The following GAPVD1 variants were observed in gnomAD, a reference collection of about 807,000 sequenced individuals.
GAPVD1 encodes GTPase-activating protein and VPS9 domain-containing protein 1.
Under a neutral mutation model 155.5 loss-of-function variants are expected in GAPVD1, and 35 were observed. That is an observed-to-expected ratio of 0.23 (90% CI 0.17 to 0.30). The LOEUF (loss-of-function observed/expected upper bound fraction) is 0.30. GAPVD1 is among the 10% of genes least tolerant of loss of function. The pLI is 1.00. For missense variants in GAPVD1, 1,429 were observed against 1,775.7 expected, an observed-to-expected ratio of 0.80 and a Z score of 3.51; for synonymous variants, 636 against 619.7, an observed-to-expected ratio of 1.03 and a Z score of -0.39.
chr9:125,276,240 A>G (rs991156050), intron 2 of GAPVD1, among the ~76,000 whole-genome samples: 13 of 152,144 alleles, frequency 8.5e-5, no homozygotes, highest in Admixed American at 2.6e-4. Flanking sequence ...TTTTTCTACA[A>G]TGTTTCACTC....
At chr9:125,322,922 G>A (rs1458020567) in intron 10 of GAPVD1, among the ~76,000 whole-genome samples, 2 of 151,686 alleles carry the variant, frequency 1.3e-5, no homozygotes, top group Non-Finnish European at 2.9e-5. Flanking sequence ...GTGTGGCAGC[G>A]TGTGCCTGTA....
At chr9:125,314,136 G>A (rs966377207) in intron 9 of GAPVD1, among the ~76,000 whole-genome samples, 2 of 152,130 alleles carry the variant, frequency 1.3e-5, no homozygotes, top group African/African-American at 2.4e-5. Flanking sequence ...TGTAGGAAAT[G>A]TTTTGTGTTC....
At chr9:125,276,081 A>G (rs1835734296) in intron 2 of GAPVD1, among the ~76,000 whole-genome samples, 1 of 152,234 alleles carries the variant, frequency 6.6e-6, no homozygotes, top group Non-Finnish European at 1.5e-5. Flanking sequence ...GACATCTTCC[A>G]GAATTCTGTT....
chr9:125,298,183 G>C (rs554572950), intron 3 of GAPVD1, among the ~76,000 whole-genome samples: 3 of 152,266 alleles, frequency 2.0e-5, no homozygotes. Flanking sequence ...ATGGAGGGGG[G>C]AATAAGTAGT....
chr9:125,361,111 C>T (rs756307224), intron 27 of GAPVD1, among the ~76,000 whole-genome samples: 6 of 152,074 alleles, frequency 3.9e-5, no homozygotes, highest in African/African-American at 1.4e-4. Flanking sequence ...TCAAGTGATT[C>T]GCCCGCCTCA....
intron 9 of GAPVD1, among the ~76,000 whole-genome samples, chr9:125,318,182 A>C (rs1271545747): frequency 6.6e-6 from 1 of 152,242 alleles, no homozygotes; most frequent in East Asian, 1.9e-4. Flanking sequence ...ACAGGGTTTC[A>C]CTTTATGTTG....
Position 125,365,483 on chromosome 9 carries a change from G to A in GAPVD1, c.*2737G>A, listed in dbSNP as rs1851423431. The A allele has an allele frequency of 6.6e-6, 1 of 152,106 alleles. No individual in the cohort carries two copies. Among genetic ancestry groups the A allele is most frequent in the South Asian group, 2.1e-4 (1 of 4,824 alleles). 9.4% of individuals were successfully genotyped at this position (152,106 alleles called of 1,614,324 possible). On this transcript the variant is annotated 3_prime_UTR_variant, in exon 28 of 28. Coordinates refer to ENST00000297933, the MANE Select transcript of GAPVD1 (RefSeq NM_001282680.3). ...AGTTACTACATAGAATTTATAAAGTGGATGTTAAATGGAGAGAGAGTTGGC... is the reference window on the plus strand; with the variant it reads ...AGTTACTACATAGAATTTATAAAGTAGATGTTAAATGGAGAGAGAGTTGGC...
In GAPVD1 at chr9:125,342,247, A is replaced by G; in HGVS notation, c.2994A>G (p.Lys998=). The change falls in exon 19 of 28, where the codon AAA becomes AAG. Residue 998 remains lysine (K), a synonymous_variant. Transcript: ENST00000297933. ...KAPIPFRKKE[K]QEKDKDDLGP... ...CTATACCATTTAGAAAGAAAGAAAA[A>G]CAAGAAAAAGACAAAGATGATCTGG... 2 of 1,596,312 alleles carry G rather than the reference A, an allele frequency of 1.3e-6. No homozygotes were observed. The highest frequency in any genetic ancestry group is 1.7e-6 in the Non-Finnish European group (2 of 1,163,814).
chr9:125,357,545 C>T (rs1254175017), intron 25 of GAPVD1, among the ~76,000 whole-genome samples: 1 of 152,016 alleles, frequency 6.6e-6, no homozygotes, highest in Non-Finnish European at 1.5e-5. Flanking sequence ...CGCCACTGCA[C>T]TCCAGCCTAG....
intron 2 of GAPVD1, among the ~76,000 whole-genome samples, chr9:125,290,539 A>C (rs1470381908): frequency 1.2e-4 from 19 of 152,190 alleles, no homozygotes; most frequent in Non-Finnish European, 7.3e-5. Context: ...TTTCTCAATG[A>C]AGACAAAAGC....
Position 125,278,533 on chromosome 9 carries a change from T to G in GAPVD1, c.-150+9549T>G, listed in dbSNP as rs138157132. 1.9e-3 allele frequency among the ~76,000 whole-genome samples: 261 copies of G among 140,874 alleles called. 2 individuals carry two copies. The highest frequency in any genetic ancestry group is 6.9e-3 in the African/African-American group (259 of 37,384). 92.4% of individuals were successfully genotyped at this position (140,874 alleles called of 152,430 possible). A position where few individuals can be genotyped will look rare whatever the true frequency, so the allele number is the denominator to read the frequency against. ...GAGACTCCATCTCAAAACAAATAAA[T>G]AAGTAAAATGTTCACATTAGGCCAG... On this transcript the variant is annotated intron_variant, in intron 2 of 27. Coordinates refer to ENST00000297933, the MANE Select transcript of GAPVD1 (RefSeq NM_001282680.3).
chr9:125,324,529 C>T (rs916897147), intron 11 of GAPVD1, among the ~76,000 whole-genome samples: 8 of 151,900 alleles, frequency 5.3e-5, no homozygotes, highest in Admixed American at 2.6e-4. Context: ...GCGGAGGTTG[C>T]GGTGAGCCAA....
chr9:125,292,202 A>G (rs1034868986), intron 2 of GAPVD1, among the ~76,000 whole-genome samples: 2 of 152,242 alleles, frequency 1.3e-5, no homozygotes, highest in South Asian at 2.1e-4. Flanking sequence ...CCGCCACTGC[A>G]CTCCGCTTGG....
chr9:125,285,453 G>GCT (rs759281879), intron 2 of GAPVD1, among the ~76,000 whole-genome samples: 1 of 94,686 alleles, frequency 1.1e-5, no homozygotes, highest in African/African-American at 4.2e-5. Flanking sequence ...TTTTTTCTTT[G>GCT]TTTTTTTTTT....
intron 21 of GAPVD1, among the ~76,000 whole-genome samples, 162 bp downstream of exon 21, chr9:125,349,681 T>G (rs980510618): frequency 6.6e-6 from 1 of 152,144 alleles, no homozygotes; most frequent in Non-Finnish European, 1.5e-5. Flanking sequence ...GTAGATGTTA[T>G]GTATCAAAGG....
intron 2 of GAPVD1, among the ~76,000 whole-genome samples, chr9:125,269,947 A>AAGGTCTTGAACTCCTG (rs1834622623): frequency 6.6e-6 from 1 of 151,080 alleles, no homozygotes; most frequent in Admixed American, 6.6e-5. Flanking sequence ...TTGAACTCCT[A>AAGGTCTTGAACTCCTG]CTCTCAAGTG....
intron 2 of GAPVD1, among the ~76,000 whole-genome samples, chr9:125,291,598 CTG>C (rs1838624493): frequency 1.3e-5 from 2 of 152,004 alleles, no homozygotes; most frequent in Admixed American, 6.6e-5. Flanking sequence ...TAAGAAAAGA[CTG>C]TAGTATGTGC....
chr9:125,358,008 A>C (rs915932720), intron 25 of GAPVD1, among the ~76,000 whole-genome samples: 10 of 151,326 alleles, frequency 6.6e-5, no homozygotes, highest in African/African-American at 2.5e-4. Flanking sequence ...CACACACACA[A>C]AACAATTAAT....
At chr9:125,308,041 G>A in intron 8 of GAPVD1, 161 bp downstream of exon 8, 1 of 628,770 alleles carries the variant, frequency 1.6e-6, no homozygotes, top group Non-Finnish European at 2.8e-6. Flanking sequence ...TATCAGATTA[G>A]TTAAGGTTTA....
Sources: gnomAD v4.1 joint callset for allele counts (sites outside exome capture counted in the v4.1 genomes callset) on GRCh38, gnomAD v4.1.1 for gene constraint, MANE v1.5 for transcripts, NCBI Gene and HGNC (gene_info 2026-07-23, HGNC 2026-07-21) for gene names.